Variants in CCDC149 observed in about 807,000 individuals in gnomAD.
The protein encoded by CCDC149 is coiled-coil domain containing 149, also known as coiled-coil domain-containing protein 149.
Under a neutral mutation model 59.9 loss-of-function variants are expected in CCDC149, and 45 were observed. The observed-to-expected ratio is 0.75, with a 90% CI of 0.59 to 0.96. The LOEUF is 0.96. Ranked by LOEUF, CCDC149 falls within the 40% of genes least tolerant of loss-of-function variation. The pLI is 0.00. For missense variants in CCDC149, 584 were observed against 664.7 expected (o/e 0.88, Z 1.33); for synonymous variants, 245 against 260.6 (o/e 0.94, Z 0.58).
chr4:24,962,505 T>A (rs1039396628), intron 1 of CCDC149, among the ~76,000 whole-genome samples: 1 of 152,152 alleles, frequency 6.6e-6, no homozygotes, highest in African/African-American at 2.4e-5. Context: ...CCGCTATACC[T>A]GGATTAAGAA....
chr4:24,958,594 G>A (rs1723540251), intron 1 of CCDC149, among the ~76,000 whole-genome samples: 1 of 152,114 alleles, frequency 6.6e-6, no homozygotes, highest in Non-Finnish European at 1.5e-5. Flanking sequence ...TATCTTAAAA[G>A]ACTCAACTCT....
intron 4 of CCDC149, among the ~76,000 whole-genome samples, chr4:24,840,254 G>C (rs1379018862): frequency 6.6e-6 from 1 of 152,134 alleles, no homozygotes; most frequent in Non-Finnish European, 1.5e-5. Flanking sequence ...ATTGGGACTG[G>C]GTGGACAGTG....
chr4:24,858,039 G>A (rs1482524766), intron 3 of CCDC149, among the ~76,000 whole-genome samples: 1 of 152,024 alleles, frequency 6.6e-6, no homozygotes, highest in Non-Finnish European at 1.5e-5. Flanking sequence ...AAAAAAAAAA[G>A]AAAGTAGTAC....
chr4:24,930,532 C>T (rs1409323033), intron 1 of CCDC149, among the ~76,000 whole-genome samples: 6 of 152,166 alleles, frequency 3.9e-5, no homozygotes, highest in African/African-American at 1.2e-4. Context: ...TTTTCTTAGG[C>T]AAATGATTTT....
At position 24,969,355 on chromosome 4, in the gene CCDC149, G is replaced by A. The variant is rs996567465; in HGVS notation, c.-65+10714C>T. Among the ~76,000 whole-genome samples the A allele has an allele frequency of 2.4e-4, 37 of 152,150 alleles. 2 individuals are homozygous for A. The highest frequency in any genetic ancestry group is 4.1e-4 in the South Asian group (2 of 4,828). On this transcript the variant is annotated intron_variant, in intron 1 of 12. Coordinates refer to the CCDC149 transcript ENST00000389609. ...GGCCAACCAACAGAACACCATCTGG[G>A]CCCTGCAACATTTATGTGGCCTGTA... is the stretch of plus-strand genomic sequence containing the variant.
At chr4:24,952,291 T>C (rs1723313651) in intron 1 of CCDC149, among the ~76,000 whole-genome samples, 1 of 152,104 alleles carries the variant, frequency 6.6e-6, no homozygotes, top group Non-Finnish European at 1.5e-5. Flanking sequence ...TTTAAGTTAC[T>C]TTTTAAAACA....
At chr4:24,933,202 G>C (rs1277193876) in intron 1 of CCDC149, among the ~76,000 whole-genome samples, 1 of 152,200 alleles carries the variant, frequency 6.6e-6, no homozygotes. Flanking sequence ...GTGAGGACTT[G>C]TATGTACTTA....
At chr4:24,969,105 C>T (rs1723887519) in intron 1 of CCDC149, among the ~76,000 whole-genome samples, 1 of 152,162 alleles carries the variant, frequency 6.6e-6, no homozygotes, top group Non-Finnish European at 1.5e-5. Flanking sequence ...TGAGCCTGTC[C>T]CTGCCCATGC....
chr4:24,949,575 T>A (rs1723219762), intron 1 of CCDC149, among the ~76,000 whole-genome samples: 1 of 151,962 alleles, frequency 6.6e-6, no homozygotes, highest in African/African-American at 2.4e-5. Context: ...GGTTCTGAGG[T>A]TAAGGGGTAA....
At chr4:24,900,721 C>T (rs61793775) in intron 1 of CCDC149, among the ~76,000 whole-genome samples, 19,860 of 152,220 alleles carry the variant, frequency 0.13, 1,370 homozygotes, top group South Asian at 0.17. Context: ...AATAAGGCAA[C>T]AGGACGAAGA....
intron 1 of CCDC149, among the ~76,000 whole-genome samples, chr4:24,879,540 C>T (rs1027504413): frequency 6.7e-6 from 1 of 149,222 alleles, no homozygotes; most frequent in Non-Finnish European, 1.5e-5. Flanking sequence ...AAAAAATTAG[C>T]TGGGCATGGT....
At chr4:24,841,354 A>G (rs1037467990) in intron 4 of CCDC149, among the ~76,000 whole-genome samples, 4 of 152,254 alleles carry the variant, frequency 2.6e-5, no homozygotes, top group Admixed American at 6.5e-5. Flanking sequence ...CTTAATGCCA[A>G]TTAATTATTA....
At chr4:24,876,111 G>A (rs886994519) in intron 2 of CCDC149, among the ~76,000 whole-genome samples, 1 of 152,008 alleles carries the variant, frequency 6.6e-6, no homozygotes, top group African/African-American at 2.4e-5. Context: ...AGTCACTTAG[G>A]AGCTGGTTTG....
intron 9 of CCDC149, among the ~76,000 whole-genome samples, chr4:24,826,426 G>A (rs1436772965): frequency 6.6e-6 from 1 of 152,212 alleles, no homozygotes. Flanking sequence ...CAGTGGGGAT[G>A]CAGGGGTGCT....
chr4:24,966,994 G>T (rs1723821060), intron 1 of CCDC149, among the ~76,000 whole-genome samples: 1 of 152,166 alleles, frequency 6.6e-6, no homozygotes, highest in Non-Finnish European at 1.5e-5. Context: ...ATAAGTTTCT[G>T]GGAAAACCTG....
intron 12 of CCDC149, among the ~76,000 whole-genome samples, chr4:24,819,174 A>C (rs1577379186): frequency 6.6e-6 from 1 of 152,186 alleles, no homozygotes; most frequent in East Asian, 1.9e-4. Flanking sequence ...TATACCAGGC[A>C]ATGTGCCAAG....
At chr4:24,863,906 C>A (rs184874203) in intron 3 of CCDC149, among the ~76,000 whole-genome samples, 1 of 152,232 alleles carries the variant, frequency 6.6e-6, no homozygotes, top group Admixed American at 6.5e-5. Flanking sequence ...CAGGACACAG[C>A]GGTAAGGATG....
intron 12 of CCDC149, among the ~76,000 whole-genome samples, chr4:24,815,114 A>G (rs977087707): frequency 1.3e-5 from 2 of 152,246 alleles, no homozygotes; most frequent in African/African-American, 4.8e-5. Flanking sequence ...TGAATATATG[A>G]ACGATATACA....
intron 3 of CCDC149, among the ~76,000 whole-genome samples, chr4:24,862,580 C>A (rs971418978): frequency 2.0e-5 from 3 of 152,180 alleles, no homozygotes; most frequent in Non-Finnish European, 4.4e-5. Flanking sequence ...CACAATAAAT[C>A]GTGAATTTGA....
Sources: allele counts gnomAD v4.1 joint callset (sites outside exome capture counted in the v4.1 genomes callset), GRCh38; gene constraint gnomAD v4.1.1; transcripts MANE v1.5; gene names NCBI Gene and HGNC (gene_info 2026-07-23, HGNC 2026-07-21).